The following POLE2 variants were observed in gnomAD, a reference collection of about 807,000 sequenced individuals.
The protein encoded by POLE2 is DNA polymerase epsilon 2, accessory subunit, also known as DNA polymerase epsilon subunit 2.
In POLE2, 56 loss-of-function variants were observed where a neutral mutation model predicts 79.4. The ratio of observed to expected loss-of-function variants is 0.71; its 90% confidence interval spans 0.57 to 0.88. The LOEUF (loss-of-function observed/expected upper bound fraction) is 0.88. POLE2 is among the 40% of genes least tolerant of loss of function. The probability of loss-of-function intolerance (pLI) is 0.00; values close to 1 mark genes in which losing one functional copy is unlikely to be tolerated. For missense variants in POLE2, 598 were observed against 638.9 expected (o/e 0.94, Z 0.69); for synonymous variants, 212 against 214.0 (o/e 0.99, Z 0.08).
At chr14:49,679,209 A>G (rs999220857) in intron 3 of POLE2, among the ~76,000 whole-genome samples, 1 of 152,136 alleles carries the variant, frequency 6.6e-6, no homozygotes, top group African/African-American at 2.4e-5. Flanking sequence ...TAGAAGTATC[A>G]TATCAAGAGG....
intron 10 of POLE2, among the ~76,000 whole-genome samples, chr14:49,656,886 A>G (rs1386529876): frequency 3.3e-5 from 5 of 151,970 alleles, no homozygotes; most frequent in African/African-American, 1.2e-4. Flanking sequence ...AGGTGGGGGG[A>G]TTGCTTGAGG....
intron 16 of POLE2, among the ~76,000 whole-genome samples, chr14:49,650,865 G>C (rs1477935143): frequency 3.9e-5 from 6 of 152,216 alleles, no homozygotes; most frequent in South Asian, 4.1e-4. Flanking sequence ...GACAACTATT[G>C]TCAGGGAACC....
At chr14:49,687,300 C>CACACA (rs1491570833) in intron 1 of POLE2, among the ~76,000 whole-genome samples, 1 of 139,744 alleles carries the variant, frequency 7.2e-6, no homozygotes, top group Non-Finnish European at 1.5e-5. Context: ...TACACACACA[C>CACACA]CACACACACA....
chr14:49,654,113 C>T (rs779395557), intron 14 of POLE2, 42 bp downstream of exon 14: 3 of 1,591,068 alleles, frequency 1.9e-6, no homozygotes, highest in African/African-American at 2.7e-5. Context: ...TTAAGTTTTA[C>T]AAAATTTTCT....
intron 10 of POLE2, among the ~76,000 whole-genome samples, 175 bp downstream of exon 10, chr14:49,663,140 C>T (rs1885205572): frequency 1.3e-5 from 2 of 152,186 alleles, no homozygotes; most frequent in Non-Finnish European, 2.9e-5. Context: ...GGCCAATCTG[C>T]TAGTTTTCAC....
chr14:49,650,398 G>T lies in POLE2; in HGVS notation c.1364C>A (p.Pro455His). 1 of 1,582,288 alleles carries T rather than the reference G, an allele frequency of 6.3e-7. No individual in the cohort carries two copies. The highest frequency in any genetic ancestry group is 8.6e-7 in the Non-Finnish European group (1 of 1,162,518). Residue 455 changes from proline (P) to histidine (H), a missense_variant, in exon 17 of 19, where the codon CCT becomes CAT. Pro to His is a moderately conservative substitution (Grantham distance 77). Coordinates refer to ENST00000216367, the MANE Select transcript of POLE2 (RefSeq NM_002692.4). ...ILSQGHLTPLPLYVCPVYWAY... is the reference protein window; with the variant it reads ...ILSQGHLTPLHLYVCPVYWAY... The stretch of plus-strand genomic sequence containing the variant: ...CCAATACACTGGGCAGACATAAAGA[G>T]GTAGGGGAGTCAGATGTCCTTGGGA...
At chr14:49,679,161 C>T (rs990754590) in intron 3 of POLE2, among the ~76,000 whole-genome samples, 2 of 151,706 alleles carry the variant, frequency 1.3e-5, no homozygotes, top group Non-Finnish European at 2.9e-5. Flanking sequence ...CCCATTTTCC[C>T]CAGTGTTTTC....
rs1162033821 is a variant in POLE2, at chr14:49,646,302, G to GTTTTTTTT, written c.1565+983_1565+990dup. On this transcript the variant is annotated intron_variant, in intron 18 of 18. Coordinates refer to ENST00000216367, the MANE Select transcript of POLE2 (RefSeq NM_002692.4). ...GATTTGGTCAGTTGTTTTTTTGTTG[G>GTTTTTTTT]TTTTTTTTTTTTTTTTTTTTTTTTT... Among the ~76,000 whole-genome samples the GTTTTTTTT allele has an allele frequency of 1.3e-3, 111 of 84,544 alleles. 2 individuals carry two copies. The highest frequency in any genetic ancestry group is 2.1e-3 in the South Asian group (4 of 1,914). The allele number at this position is 84,544 out of a possible 152,430, so 55.5% of individuals were successfully genotyped here. A position where few individuals can be genotyped will look rare whatever the true frequency, so the allele number is the denominator to read the frequency against.
intron 10 of POLE2, among the ~76,000 whole-genome samples, chr14:49,660,047 C>A (rs563156853): frequency 6.6e-6 from 1 of 152,224 alleles, no homozygotes; most frequent in African/African-American, 2.4e-5. Flanking sequence ...AACTTCCAGC[C>A]CTGCAAGTTC....
At chr14:49,645,043 C>CAAAAAAAAAAAAAAA (rs527251561) in intron 18 of POLE2, among the ~76,000 whole-genome samples, 8,658 of 85,046 alleles carry the variant, frequency 0.1, 713 homozygotes, top group Non-Finnish European at 0.15. Context: ...CTCCGTCTCA[C>CAAAAAAAAAAAAAAA]AAAAAAAAAA....
At chr14:49,686,389 A>T (rs896667849) in intron 1 of POLE2, among the ~76,000 whole-genome samples, 4 of 152,212 alleles carry the variant, frequency 2.6e-5, no homozygotes, top group Non-Finnish European at 5.9e-5. Context: ...GACTGAGGAT[A>T]GCCTCCAGCC....
rs1566561266 is a variant in POLE2, at chr14:49,674,342, A to G, written c.323+8T>C. 1.3e-6 allele frequency: 2 copies of G among 1,572,036 alleles called. No individual in the cohort carries two copies. Among genetic ancestry groups the G allele is most frequent in the South Asian group, 1.1e-5 (1 of 89,984 alleles). On this transcript the variant is annotated splice_region_variant and intron_variant, in intron 4 of 18. Coordinates refer to ENST00000216367, the MANE Select transcript of POLE2 (RefSeq NM_002692.4). ...AATTAATTTAAAATCAGTGGATGAC[A>G]TACTTACGGAAGAAATTTTTTTCTT...
In POLE2 at chr14:49,688,168, G is replaced by T. The variant is rs750334467; in HGVS notation, c.36C>A (p.Ser12=). ...GCAGCAAGCCCCGCAACTTGAAGGC[G>T]GAGAGCGCCCGGCTCCGCAGCCGCT... ...APERLRSRAL[S]AFKLRGLLLR... The change falls in exon 1 of 19, where the codon TCC becomes TCA. Residue 12 remains serine (S), a synonymous_variant. Transcript: ENST00000216367. The T allele has an allele frequency of 9.0e-6, 14 of 1,550,996 alleles. No homozygotes were observed. The African/African-American group carries it at 1.5e-4, about 17-fold the overall frequency.
intron 18 of POLE2, among the ~76,000 whole-genome samples, chr14:49,645,764 G>C (rs1487006423): frequency 6.6e-6 from 1 of 152,180 alleles, no homozygotes; most frequent in Non-Finnish European, 1.5e-5. Flanking sequence ...CCCAGTACCT[G>C]GGACTACAGG....
At chr14:49,660,512 CT>C (rs1566543337) in intron 10 of POLE2, among the ~76,000 whole-genome samples, 2 of 151,248 alleles carry the variant, frequency 1.3e-5, no homozygotes, top group South Asian at 4.2e-4. Flanking sequence ...AAAAACTTTT[CT>C]TTTTTTAAAG....
chr14:49,674,598 C>T (rs1158674547), intron 3 of POLE2, among the ~76,000 whole-genome samples, 171 bp from the exon 4 acceptor site: 2 of 152,118 alleles, frequency 1.3e-5, no homozygotes, highest in Non-Finnish European at 2.9e-5. Flanking sequence ...CAGAGTTTCG[C>T]TATTGTTCTC....
intron 3 of POLE2, among the ~76,000 whole-genome samples, chr14:49,676,449 T>C (rs527467110): frequency 2.0e-5 from 3 of 152,214 alleles, no homozygotes; most frequent in Non-Finnish European, 2.9e-5. Flanking sequence ...AGTAAGTTAT[T>C]GAACTTCTCA....
chr14:49,678,934 G>A (rs565339486), intron 3 of POLE2, among the ~76,000 whole-genome samples: 2 of 152,184 alleles, frequency 1.3e-5, no homozygotes, highest in Admixed American at 6.5e-5. Context: ...TGGGATTACA[G>A]GCATAAGCCA....
At position 49,654,750 on chromosome 14, in the gene POLE2, C is replaced by T. The variant is rs368671005; in HGVS notation, c.1073+34G>A. ...TTTTTTGTTTTTTTTTTAAGTAAAA[C>T]GGTGAAAAAATATATAGTGCTAGAG... is the stretch of plus-strand genomic sequence containing the variant. On this transcript the variant is annotated intron_variant, in intron 13 of 18. Coordinates refer to ENST00000216367, the MANE Select transcript of POLE2 (RefSeq NM_002692.4). 5.9e-4 allele frequency: 849 copies of T among 1,445,956 alleles called. 7 individuals carry two copies. In the South Asian group the frequency reaches 8.8e-3, roughly 15 times the overall value. 89.6% of individuals were successfully genotyped at this position (1,445,956 alleles called of 1,614,324 possible).
Sources: gnomAD v4.1 joint callset for allele counts (sites outside exome capture counted in the v4.1 genomes callset) on GRCh38, gnomAD v4.1.1 for gene constraint, MANE v1.5 for transcripts, NCBI Gene and HGNC (gene_info 2026-07-23, HGNC 2026-07-21) for gene names.